CCDC62: variants seen among roughly 807,000 people sequenced by gnomAD.
CCDC62 encodes coiled-coil domain containing 62, also known as coiled-coil domain-containing protein 62.
In CCDC62, 72 loss-of-function variants were observed where a neutral mutation model predicts 80.8. The observed-to-expected ratio is 0.89, with a 90% CI of 0.74 to 1.08. The LOEUF is 1.08. Ranked by LOEUF, CCDC62 falls within the 50% of genes least tolerant of loss-of-function variation. The pLI is 0.00. For synonymous variants in CCDC62, 286 were observed against 296.5 expected (o/e 0.96, Z 0.36); for missense variants, 704 against 809.4 (o/e 0.87, Z 1.58).
intron 12 of CCDC62, among the ~76,000 whole-genome samples, chr12:122,825,993 C>A (rs1257750860): frequency 1.2e-3 from 127 of 110,358 alleles, no homozygotes; most frequent in South Asian, 1.9e-3. Flanking sequence ...AACTCCGTCT[C>A]AAAAAAAAAA....
At position 122,801,675 on chromosome 12, in the gene CCDC62, T is replaced by C. The variant is rs767069379; in HGVS notation, c.1529T>C (p.Met510Thr). 9 of 1,614,032 alleles carry C rather than the reference T, an allele frequency of 5.6e-6. No individual in the cohort carries two copies. The East Asian group carries it at 8.9e-5, about 16-fold the overall frequency. Reference sequence around the variant, plus strand: ...GAAGCCTGTCTGGGCGAAAGTGGCATGTGTGACTCCAAGTGCTGCCACCCG... The same window carrying C: ...GAAGCCTGTCTGGGCGAAAGTGGCACGTGTGACTCCAAGTGCTGCCACCCG... ...KNEACLGESG[M>T]CDSKCCHPSN... is the part of the protein sequence containing the mutation. Residue 510 changes from methionine to threonine, a missense_variant, in exon 9 of 13, where the codon ATG becomes ACG. Met to Thr is a moderately conservative substitution (Grantham distance 81). Coordinates refer to ENST00000253079, the MANE Select transcript of CCDC62 (RefSeq NM_201435.5).
intron 3 of CCDC62, among the ~76,000 whole-genome samples, chr12:122,782,617 C>G (rs1467747032): frequency 6.6e-6 from 1 of 151,986 alleles, no homozygotes; most frequent in Non-Finnish European, 1.5e-5. Flanking sequence ...CACCACTATG[C>G]CCAGCTAATT....
chr12:122,800,006 T>A (rs949807081), intron 8 of CCDC62, among the ~76,000 whole-genome samples: 18 of 152,140 alleles, frequency 1.2e-4, no homozygotes, highest in African/African-American at 4.3e-4. Flanking sequence ...TCTTTTTCCT[T>A]TTTTTGAGAT....
At chr12:122,786,390 C>A (rs996623124) in intron 4 of CCDC62, among the ~76,000 whole-genome samples, 2 of 151,860 alleles carry the variant, frequency 1.3e-5, no homozygotes, top group East Asian at 4.0e-4. Flanking sequence ...CCTCGTGATC[C>A]GCCCGCCTCG....
intron 12 of CCDC62, among the ~76,000 whole-genome samples, 156 bp downstream of exon 12, chr12:122,823,615 A>G (rs1372897156): frequency 6.6e-6 from 1 of 152,076 alleles, no homozygotes; most frequent in Non-Finnish European, 1.5e-5. Flanking sequence ...AAATTTAATC[A>G]GAGTAAAATG....
intron 1 of CCDC62, 62 bp from the exon 2 acceptor site, chr12:122,777,429 A>T (rs1879532690): frequency 1.4e-6 from 2 of 1,425,662 alleles, no homozygotes; most frequent in South Asian, 2.6e-5. Flanking sequence ...TGGAAAATGG[A>T]CTTTGGCTGA....
At chr12:122,815,334 C>G (rs1191518467) in intron 11 of CCDC62, among the ~76,000 whole-genome samples, 1 of 152,262 alleles carries the variant, frequency 6.6e-6, no homozygotes, top group Non-Finnish European at 1.5e-5. Flanking sequence ...CTGCCTCAGC[C>G]TCCCAAAGTG....
chr12:122,788,652 G>A, intron 4 of CCDC62, 106 bp from the exon 5 acceptor site: 1 of 694,268 alleles, frequency 1.4e-6, no homozygotes, highest in Non-Finnish European at 2.4e-6. Flanking sequence ...TGCGAAAAAT[G>A]CTTAGAGTGG....
Position 122,807,565 on chromosome 12 carries a change from C to T in CCDC62, c.1851+1270C>T, listed in dbSNP as rs535359702. 1.2e-3 allele frequency among the ~76,000 whole-genome samples: 181 copies of T among 149,354 alleles called. 4 individuals are homozygous for T. Among genetic ancestry groups the T allele is most frequent in the Non-Finnish European group, 1.6e-4 (11 of 67,294 alleles). ...AAAAAAAAAGGTAAACATCTGACAT[C>T]TATGATTTACCAAGATACCAGGGTG... On this transcript the variant is annotated intron_variant, in intron 10 of 12. Transcript: ENST00000253079.
intron 10 of CCDC62, among the ~76,000 whole-genome samples, chr12:122,811,321 C>A (rs1482637424): frequency 1.4e-5 from 2 of 146,762 alleles, no homozygotes; most frequent in African/African-American, 5.0e-5. Context: ...AAGCGATTCT[C>A]CTGCCTCAGC....
intron 8 of CCDC62, 29 bp from the exon 9 acceptor site, chr12:122,801,095 C>A: frequency 6.3e-7 from 1 of 1,579,848 alleles, no homozygotes; most frequent in Non-Finnish European, 8.6e-7. Flanking sequence ...TATCTTATAA[C>A]CTCCATTTTT....
At chr12:122,824,607 TTATCCATAAAGAACTAAAAGTAGAA>T (rs143305253) in intron 12 of CCDC62, among the ~76,000 whole-genome samples, 6,716 of 151,938 alleles carry the variant, frequency 0.044, 259 homozygotes, top group East Asian at 0.23. Context: ...AGTGTGGAGG[TTATCCATAAAGAACTAAAAGTAGAA>T]CTCCGATTTG....
At chr12:122,788,606 C>A in intron 4 of CCDC62, 152 bp from the exon 5 acceptor site, 2 of 566,586 alleles carry the variant, frequency 3.5e-6, no homozygotes, top group Admixed American at 3.6e-5. Flanking sequence ...TAGTACCACC[C>A]TCATAGAGTT....
At chr12:122,806,086 TAA>T in intron 9 of CCDC62, 63 bp from the exon 10 acceptor site, 1 of 1,443,942 alleles carries the variant, frequency 6.9e-7, no homozygotes, top group Middle Eastern at 1.9e-4. Flanking sequence ...CTTTTGAGTA[TAA>T]GAGTGATCTA....
intron 11 of CCDC62, among the ~76,000 whole-genome samples, chr12:122,817,218 A>AT (rs71085859): frequency 0.82 from 109,811 of 134,302 alleles, 45,319 homozygotes; most frequent in Middle Eastern, 0.9. Flanking sequence ...CGCCTAGCTA[A>AT]TTTTTTTTTT....
Position 122,777,649 on chromosome 12 carries a change from G to A in CCDC62, c.195G>A (p.Val65=), listed in dbSNP as rs762573579. Residue 65 remains valine, a synonymous_variant, in exon 2 of 13, where the codon GTG becomes GTA. Transcript: ENST00000253079. ...CATGGGAAGAGGATCGGCAGAAAGT[G>A]TTGACACTGGAAGAACGTTGCAGCA... ...LLSWEEDRQK[V]LTLEERCSKL... 2 of 1,614,020 alleles carry A rather than the reference G, an allele frequency of 1.2e-6. No homozygotes were observed. The highest frequency in any genetic ancestry group is 2.7e-5 in the African/African-American group (2 of 74,914).
At chr12:122,806,937 G>C (rs2031638550) in intron 10 of CCDC62, among the ~76,000 whole-genome samples, 2 of 151,672 alleles carry the variant, frequency 1.3e-5, no homozygotes, top group Non-Finnish European at 2.9e-5. Context: ...GGTCTCAGCT[G>C]CCCCTTCCTC....
chr12:122,798,595 C>G (rs925582126), intron 8 of CCDC62, among the ~76,000 whole-genome samples: 1 of 151,576 alleles, frequency 6.6e-6, no homozygotes, highest in Non-Finnish European at 1.5e-5. Context: ...GAGCAAGATT[C>G]TGTTTCAAAA....
chr12:122,777,542 C>G lies in CCDC62; in HGVS notation c.88C>G (p.Leu30Val). Reference sequence around the variant, plus strand: ...CACTATCGAGAAACAACGGAAGGAGCTGCAGTTGCTCATTGGAGAATTAAA... The same window carrying G: ...CACTATCGAGAAACAACGGAAGGAGGTGCAGTTGCTCATTGGAGAATTAAA... ...ISTIEKQRKELQLLIGELKDR... is the reference protein window; with the variant it reads ...ISTIEKQRKEVQLLIGELKDR... Residue 30 changes from leucine (L) to valine (V), a missense_variant, in exon 2 of 13, where the codon CTG (leucine) becomes GTG (valine). Leu to Val is a conservative substitution (Grantham distance 32). Transcript: ENST00000253079. The G allele has an allele frequency of 2.5e-6, 4 of 1,614,148 alleles. No individual in the cohort carries two copies. Among genetic ancestry groups the G allele is most frequent in the South Asian group, 1.1e-5 (1 of 91,078 alleles).
Sources: gnomAD v4.1 joint callset for allele counts (sites outside exome capture counted in the v4.1 genomes callset) on GRCh38, gnomAD v4.1.1 for gene constraint, MANE v1.5 for transcripts, NCBI Gene and HGNC (gene_info 2026-07-23, HGNC 2026-07-21) for gene names.